The following DDO variants were observed in gnomAD, a reference collection of about 807,000 sequenced individuals.
DDO encodes the protein D-aspartate oxidase.
DDO carries 16 observed loss-of-function variants against 16.8 expected under a neutral mutation model. The observed-to-expected ratio is 0.95, with a 90% CI of 0.65 to 1.45. The LOEUF is 1.45. Among genes scored for constraint, DDO ranks in the 40% most tolerant of loss-of-function variants. The pLI is 0.00. For synonymous variants in DDO, 180 were observed against 167.2 expected, an observed-to-expected ratio of 1.08 and a Z score of -0.59; for missense variants, 429 against 420.3, an observed-to-expected ratio of 1.02 and a Z score of -0.18.
At chr6:110,409,591 G>C (rs1464825550) in intron 2 of DDO, among the ~76,000 whole-genome samples, 2 of 152,210 alleles carry the variant, frequency 1.3e-5, no homozygotes, top group African/African-American at 2.4e-5. Flanking sequence ...TTGTTATAGA[G>C]CCAATAAATA....
At chr6:110,391,251 C>G (rs1278716774), downstream of DDO, among the ~76,000 whole-genome samples, 1 of 152,166 alleles carries the variant, frequency 6.6e-6, no homozygotes, top group East Asian at 1.9e-4. Flanking sequence ...TCATTGGCAA[C>G]CCTGTATCTC....
chr6:110,415,423 C>G (rs766436293), intron 1 of DDO, 44 bp downstream of exon 1: 2 of 1,610,710 alleles, frequency 1.2e-6, no homozygotes, highest in Non-Finnish European at 1.7e-6. Context: ...ACTCCCAGAG[C>G]ATGGACGGAA....
At chr6:110,415,288 G>A (rs1172644160) in intron 1 of DDO, among the ~76,000 whole-genome samples, 179 bp downstream of exon 1, 1 of 152,180 alleles carries the variant, frequency 6.6e-6, no homozygotes, top group Non-Finnish European at 1.5e-5. Context: ...AAGTTGAAAG[G>A]GCAAGCAATC....
intron 4 of DDO, among the ~76,000 whole-genome samples, chr6:110,396,663 AAG>A (rs1773300485): frequency 6.6e-6 from 1 of 152,130 alleles, no homozygotes; most frequent in Non-Finnish European, 1.5e-5. Flanking sequence ...AAGTAGTTAA[AAG>A]AGAGAGAATG....
At chr6:110,390,673 AG>A (rs1344617646), downstream of DDO, among the ~76,000 whole-genome samples, 2 of 152,244 alleles carry the variant, frequency 1.3e-5, no homozygotes, top group Non-Finnish European at 2.9e-5. Context: ...TAGTGAACAA[AG>A]GAGTACACTT....
chr6:110,408,855 G>C (rs552966709), intron 2 of DDO, among the ~76,000 whole-genome samples: 2 of 152,236 alleles, frequency 1.3e-5, no homozygotes, highest in African/African-American at 4.8e-5. Context: ...CAAGGACAGA[G>C]GGCCTCTTTC....
At chr6:110,394,537 G>A (rs931265380) in intron 4 of DDO, among the ~76,000 whole-genome samples, 4 of 152,212 alleles carry the variant, frequency 2.6e-5, no homozygotes, top group Non-Finnish European at 5.9e-5. Context: ...TTCAATAGAC[G>A]CAGGCCGAAT....
At chr6:110,410,062 A>G (rs552105046) in intron 2 of DDO, among the ~76,000 whole-genome samples, 3 of 147,004 alleles carry the variant, frequency 2.0e-5, no homozygotes, top group Admixed American at 1.3e-4. Context: ...AATCCCCACA[A>G]CAACCCTATG....
intron 1 of DDO, among the ~76,000 whole-genome samples, chr6:110,414,930 G>T (rs1773995032): frequency 6.6e-6 from 1 of 152,214 alleles, no homozygotes; most frequent in East Asian, 1.9e-4. Context: ...CGTGGGCTTG[G>T]TTGTTAGTGG....
At chr6:110,409,707 A>G (rs1172391399) in intron 2 of DDO, among the ~76,000 whole-genome samples, 1 of 152,242 alleles carries the variant, frequency 6.6e-6, no homozygotes. Flanking sequence ...AGAAATAAGG[A>G]ATAAATAAAT....
At chr6:110,394,439 G>A (rs1449767066) in intron 4 of DDO, among the ~76,000 whole-genome samples, 1 of 152,100 alleles carries the variant, frequency 6.6e-6, no homozygotes, top group African/African-American at 2.4e-5. Flanking sequence ...AAAATGGAAA[G>A]TCTACCCAAT....
chr6:110,404,091 T>G (rs57333273), intron 4 of DDO, among the ~76,000 whole-genome samples: 1 of 152,108 alleles, frequency 6.6e-6, no homozygotes, highest in African/African-American at 2.4e-5. Flanking sequence ...ACTCTCAACA[T>G]GCCTGCAAGT....
intron 2 of DDO, among the ~76,000 whole-genome samples, chr6:110,411,770 T>C (rs1019201925): frequency 6.6e-6 from 1 of 152,058 alleles, no homozygotes; most frequent in Non-Finnish European, 1.5e-5. Flanking sequence ...TATGGGCATA[T>C]ATAACTTTGA....
chr6:110,392,822 C>T lies in DDO; in HGVS notation c.979G>A (p.Glu327Lys), dbSNP rs147941608. Residue 327 changes from glutamate (E) to lysine (K), a missense_variant, in exon 5 of 5, where the codon GAG becomes AAG. By Grantham distance (56) the Glu-to-Lys change is moderately conservative (BLOSUM62 1). Coordinates refer to ENST00000368924, the MANE Select transcript of DDO (RefSeq NM_001372108.2). ...GGGGTCCTGAGGGCATGGACACACT[C>T]GCTCACCAGCCTGGCGGCCTCCAGA... is the stretch of plus-strand genomic sequence containing the variant. ...TALEAARLVSECVHALRTPIP... is the reference protein window; with the variant it reads ...TALEAARLVSKCVHALRTPIP... The T allele has an allele frequency of 7.7e-4, 1,235 of 1,606,650 alleles. 4 individuals carry two copies. Among genetic ancestry groups the T allele is most frequent in the African/African-American group, 3.6e-3 (273 of 74,874 alleles).
intron 4 of DDO, 99 bp downstream of exon 4, chr6:110,404,674 GA>G: frequency 7.5e-7 from 1 of 1,334,638 alleles, no homozygotes; most frequent in Non-Finnish European, 1.0e-6. Context: ...AAAGAGCTCT[GA>G]GGGATGCCAG....
chr6:110,391,541 G>C (rs1289747545), downstream of DDO, among the ~76,000 whole-genome samples: 1 of 151,968 alleles, frequency 6.6e-6, no homozygotes, highest in African/African-American at 2.4e-5. Flanking sequence ...CACCATGTTG[G>C]CCAGGCTTGT....
chr6:110,414,070 C>T (rs1022487088), intron 1 of DDO, among the ~76,000 whole-genome samples: 1 of 152,210 alleles, frequency 6.6e-6, no homozygotes, highest in African/African-American at 2.4e-5. Flanking sequence ...CCATGCCCGG[C>T]TTCATCCCCC....
intron 3 of DDO, among the ~76,000 whole-genome samples, chr6:110,407,333 T>C (rs1773691921): frequency 6.6e-6 from 1 of 152,138 alleles, no homozygotes; most frequent in African/African-American, 2.4e-5. Context: ...GAAGAATCAA[T>C]CCATAGATTG....
chr6:110,405,084 G>A, intron 3 of DDO, 134 bp from the exon 4 acceptor site: 1 of 900,842 alleles, frequency 1.1e-6, no homozygotes, highest in Non-Finnish European at 1.7e-6. Context: ...TCACCCAGGT[G>A]GGAGTGCAGT....
Sources: allele counts gnomAD v4.1 joint callset (sites outside exome capture counted in the v4.1 genomes callset), GRCh38; gene constraint gnomAD v4.1.1; transcripts MANE v1.5; gene names NCBI Gene and HGNC (gene_info 2026-07-23, HGNC 2026-07-21).